PTPRG: variants seen among roughly 807,000 people sequenced by gnomAD.
PTPRG encodes the protein receptor-type tyrosine-protein phosphatase gamma.
In PTPRG, 102 loss-of-function variants were observed where a neutral mutation model predicts 165.3. The observed-to-expected ratio is 0.62, with a 90% CI of 0.53 to 0.73. PTPRG has a LOEUF of 0.73. PTPRG is among the 30% of genes least tolerant of loss of function. The pLI, the probability that PTPRG is intolerant of heterozygous loss-of-function variation, is 0.00. For missense variants in PTPRG, 1,866 were observed against 1,861.4 expected, an observed-to-expected ratio of 1.00 and a Z score of -0.05; for synonymous variants, 675 against 669.5, an observed-to-expected ratio of 1.01 and a Z score of -0.13.
chr3:62,009,849 A>G (rs1335912861), intron 4 of PTPRG, among the ~76,000 whole-genome samples: 3 of 152,150 alleles, frequency 2.0e-5, no homozygotes, highest in Non-Finnish European at 4.4e-5. Context: ...AGCCTAGACT[A>G]CATGTCAGGT....
chr3:62,016,178 A>G (rs1268749377), intron 4 of PTPRG, among the ~76,000 whole-genome samples: 3 of 152,112 alleles, frequency 2.0e-5, no homozygotes, highest in Admixed American at 6.5e-5. Flanking sequence ...TTAACTATAT[A>G]TATTTTTAAG....
intron 2 of PTPRG, among the ~76,000 whole-genome samples, chr3:61,764,425 C>A (rs2033950249): frequency 6.6e-6 from 1 of 152,196 alleles, no homozygotes; most frequent in African/African-American, 2.4e-5. Context: ...ACAAAACATA[C>A]ACAGTTCTAT....
At chr3:62,028,401 A>T (rs1464720108) in intron 4 of PTPRG, among the ~76,000 whole-genome samples, 2 of 152,238 alleles carry the variant, frequency 1.3e-5, no homozygotes, top group Admixed American at 6.5e-5. Context: ...GAAATGCATG[A>T]CCAAACACAT....
At chr3:61,721,641 T>G (rs1358089753) in intron 1 of PTPRG, among the ~76,000 whole-genome samples, 1 of 152,150 alleles carries the variant, frequency 6.6e-6, no homozygotes, top group Non-Finnish European at 1.5e-5. Flanking sequence ...GTCCTGCATA[T>G]TTTCCTAAGT....
intron 7 of PTPRG, among the ~76,000 whole-genome samples, chr3:62,162,768 A>G (rs909638886): frequency 6.6e-6 from 1 of 152,206 alleles, no homozygotes; most frequent in African/African-American, 2.4e-5. Flanking sequence ...TGGCTCTTTC[A>G]GTGGATAATG....
rs1374119704 is a variant in PTPRG, at chr3:61,706,854, A to G, written c.86-42024A>G. ...TATGAATACATTGAAGTTTGAAAAA[A>G]CTTAAAAATACATGAAACATGCTTA... On this transcript the variant is annotated intron_variant, in intron 1 of 29. Transcript: ENST00000474889. Among the ~76,000 whole-genome samples the G allele has an allele frequency of 2.6e-5, 4 of 152,136 alleles. No individual in the cohort carries two copies. The East Asian group carries it at 7.7e-4, about 29-fold the overall frequency.
At chr3:61,622,414 T>C (rs1575544630) in intron 1 of PTPRG, among the ~76,000 whole-genome samples, 3 of 152,198 alleles carry the variant, frequency 2.0e-5, no homozygotes, top group Admixed American at 6.5e-5. Context: ...TAGTTTTCCG[T>C]TGTCAGTCAC....
At chr3:62,151,307 C>T (rs1704327576) in intron 6 of PTPRG, among the ~76,000 whole-genome samples, 1 of 152,152 alleles carries the variant, frequency 6.6e-6, no homozygotes, top group African/African-American at 2.4e-5. Context: ...GATATAAACC[C>T]TTTGCATTCA....
intron 1 of PTPRG, among the ~76,000 whole-genome samples, chr3:61,600,180 A>G (rs1365197052): frequency 7.2e-5 from 7 of 96,622 alleles, no homozygotes; most frequent in African/African-American, 1.9e-4. Context: ...AAAAATATAT[A>G]TATATATATA....
Position 61,708,410 on chromosome 3 carries a change from T to G in PTPRG, c.86-40468T>G, listed in dbSNP as rs143438697. On this transcript the variant is annotated intron_variant, in intron 1 of 29. Coordinates refer to ENST00000474889, the MANE Select transcript of PTPRG (RefSeq NM_002841.4). ...ATCATTAGCTCACCAAAACTTCTTATATCTTCCCTAATGAACTGGGCTCTC... is the reference window on the plus strand; with the variant it reads ...ATCATTAGCTCACCAAAACTTCTTAGATCTTCCCTAATGAACTGGGCTCTC... Among the ~76,000 whole-genome samples the G allele has an allele frequency of 3.7e-3, 564 of 150,742 alleles. 6 individuals are homozygous for G. Among genetic ancestry groups the G allele is most frequent in the African/African-American group, 0.013 (537 of 41,168 alleles).
At chr3:61,699,913 C>T (rs563246590) in intron 1 of PTPRG, among the ~76,000 whole-genome samples, 1 of 152,296 alleles carries the variant, frequency 6.6e-6, no homozygotes, top group African/African-American at 2.4e-5. Context: ...GGAGACTCAA[C>T]CTCAGAGTGG....
chr3:61,769,961 A>T (rs2107017371), intron 2 of PTPRG: 1 of 152,226 alleles, frequency 6.6e-6, no homozygotes, highest in African/African-American at 2.4e-5. Flanking sequence ...AGAAATAATA[A>T]TAAATAGTAA....
intron 9 of PTPRG, among the ~76,000 whole-genome samples, chr3:62,192,663 G>A (rs944474736): frequency 4.0e-5 from 6 of 151,670 alleles, no homozygotes; most frequent in African/African-American, 9.7e-5. Flanking sequence ...CGCCCACCTC[G>A]GCCTCCCAAA....
At chr3:61,788,353 A>T (rs920937201) in intron 2 of PTPRG, among the ~76,000 whole-genome samples, 1 of 152,216 alleles carries the variant, frequency 6.6e-6, no homozygotes, top group African/African-American at 2.4e-5. Context: ...AAAATTTGTG[A>T]TTGGCAATGC....
intron 6 of PTPRG, among the ~76,000 whole-genome samples, chr3:62,145,072 A>T (rs543289200): frequency 6.6e-6 from 1 of 152,198 alleles, no homozygotes; most frequent in South Asian, 2.1e-4. Context: ...AGTGCTTGGG[A>T]CTACCGTGTG....
Position 61,779,183 on chromosome 3 carries a change from A to G in PTPRG, c.190+30201A>G, listed in dbSNP as rs78797569. 9.8e-5 allele frequency among the ~76,000 whole-genome samples: 15 copies of G among 152,322 alleles called. No homozygotes were observed. In the East Asian group the frequency reaches 2.3e-3, roughly 24 times the overall value. On this transcript the variant is annotated intron_variant, in intron 2 of 29. Transcript: ENST00000474889. ...TCTTTTGAGATACCTCATTTTGGCC[A>G]TAGATTAAAATGCATTAAGAAGCTG...
intron 2 of PTPRG, among the ~76,000 whole-genome samples, chr3:61,852,824 C>G (rs1241039607): frequency 6.6e-6 from 1 of 152,116 alleles, no homozygotes; most frequent in African/African-American, 2.4e-5. Flanking sequence ...TTCTTGTTTC[C>G]AGGGGCCTAT....
intron 4 of PTPRG, among the ~76,000 whole-genome samples, chr3:62,059,858 T>C (rs998462197): frequency 6.6e-6 from 1 of 152,150 alleles, no homozygotes; most frequent in African/African-American, 2.4e-5. Context: ...TTTCCGACTT[T>C]TGTTTGGCAC....
rs1033710115 is a variant in PTPRG at position 62,228,215 on chromosome 3, A to AT, written c.2289-3004dup. ...TCGGAGGAGAGAATGTTTGGACTGT[A>AT]TTTTTTACAAAACAAAGAAAAAGGA... On this transcript the variant is annotated intron_variant, in intron 13 of 29. Transcript: ENST00000474889. This position sits in a 1 kb window ranked among gnomAD's most constrained non-coding sequence, Gnocchi z 4.1. Among the ~76,000 whole-genome samples, 8 of 152,036 alleles carry AT rather than the reference A, an allele frequency of 5.3e-5. No individual in the cohort carries two copies. The East Asian group carries it at 1.6e-3, about 29-fold the overall frequency.
Sources: allele counts gnomAD v4.1 joint callset (sites outside exome capture counted in the v4.1 genomes callset), GRCh38; gene constraint gnomAD v4.1.1; non-coding constraint Gnocchi (gnomAD v3.1); transcripts MANE v1.5; gene names NCBI Gene and HGNC (gene_info 2026-07-23, HGNC 2026-07-21).